Variants in TGM2 observed in about 807,000 individuals in gnomAD.
TGM2 encodes protein-glutamine gamma-glutamyltransferase 2.
TGM2 carries 53 observed loss-of-function variants against 75.6 expected under a neutral mutation model. The observed-to-expected ratio is 0.70, with a 90% CI of 0.56 to 0.88. The LOEUF is 0.88. TGM2 is among the 40% of genes least tolerant of loss of function. The pLI is 0.00. For missense variants in TGM2, 842 were observed against 928.5 expected, an observed-to-expected ratio of 0.91 and a Z score of 1.21; for synonymous variants, 374 against 381.1, an observed-to-expected ratio of 0.98 and a Z score of 0.22.
Position 38,139,474 on chromosome 20 carries a change from C to T in TGM2, c.1280G>A (p.Ser427Asn). The T allele has an allele frequency of 6.2e-7, 1 of 1,614,234 alleles. No individual in the cohort carries two copies. The highest frequency in any genetic ancestry group is 2.2e-5 in the East Asian group (1 of 44,892). ...CTCGTCTCGGCCCACGCTCTTAGTG[C>T]TGATCTTCAGCCCAACGATCAGGGA... Reference protein sequence around the residue: ...NRSLIVGLKISTKSVGRDERE... With the variant: ...NRSLIVGLKINTKSVGRDERE... The change falls in exon 9 of 13, where the codon AGC (serine) becomes AAC (asparagine). Residue 427 changes from serine (S) to asparagine (N), a missense_variant. By Grantham distance (46) the Ser-to-Asn change is conservative. Transcript: ENST00000361475.
intron 10 of TGM2, 142 bp downstream of exon 10, chr20:38,137,971 A>G: frequency 6.9e-7 from 1 of 1,445,528 alleles, no homozygotes; most frequent in Non-Finnish European, 9.1e-7. Flanking sequence ...ATATTTATAA[A>G]GTGCTTAGGA....
chr20:38,139,577 C>A lies in TGM2; in HGVS notation c.1177G>T (p.Val393Phe), dbSNP rs1351290061. The A allele has an allele frequency of 1.2e-6, 2 of 1,614,210 alleles. No homozygotes were observed. The highest frequency in any genetic ancestry group is 8.5e-7 in the Non-Finnish European group (1 of 1,180,048). ...DLSTKYDAPFVFAEVNADVVD... is the reference protein window; with the variant it reads ...DLSTKYDAPFFFAEVNADVVD... ...ACGTCGGCATTGACCTCCGCAAAGA[C>A]AAAGGGCGCATCGTACTTGGTGCTC... Residue 393 changes from valine (V) to phenylalanine (F), a missense_variant, in exon 9 of 13, where the codon GTC (valine) becomes TTC (phenylalanine). Physicochemically the swap from Val to Phe is conservative, Grantham distance 50 (BLOSUM62 -1). Transcript: ENST00000361475.
At chr20:38,159,788 C>T (rs554108612) in intron 2 of TGM2, among the ~76,000 whole-genome samples, 5 of 152,308 alleles carry the variant, frequency 3.3e-5, no homozygotes, top group Non-Finnish European at 7.4e-5. Context: ...TCAGCTTTCC[C>T]ATCTGCAAAA....
intron 5 of TGM2, among the ~76,000 whole-genome samples, chr20:38,147,270 C>T (rs974219160): frequency 3.3e-5 from 5 of 152,054 alleles, no homozygotes; most frequent in Admixed American, 6.5e-5. Context: ...CCCATTACCT[C>T]GAGAATAAAA....
At chr20:38,134,579 T>C (rs1465445141) in intron 10 of TGM2, among the ~76,000 whole-genome samples, 1 of 152,194 alleles carries the variant, frequency 6.6e-6, no homozygotes, top group African/African-American at 2.4e-5. Flanking sequence ...AGAGGAAACC[T>C]GTATGGTCAG....
Position 38,141,327 on chromosome 20 carries a change from C to G in TGM2, c.1054G>C (p.Glu352Gln), listed in dbSNP as rs750818931. Residue 352 changes from glutamate to glutamine, a missense_variant, in exon 8 of 13, where the codon GAG becomes CAG. Physicochemically the swap from Glu to Gln is conservative, Grantham distance 29. Coordinates refer to ENST00000361475, the MANE Select transcript of TGM2 (RefSeq NM_004613.4). ...GTTGGGTCCAGGGCCTGCCAGCCCT[C>G]GTACCCCGGCTGCAGGTCCGGCCTG... is the stretch of plus-strand genomic sequence containing the variant. ...MTRPDLQPGY[E>Q]GWQALDPTPQ... The G allele has an allele frequency of 8.2e-6, 13 of 1,590,938 alleles. No homozygotes were observed. The highest frequency in any genetic ancestry group is 1.0e-5 in the Non-Finnish European group (12 of 1,168,784).
chr20:38,152,463 A>G (rs1036600501), intron 3 of TGM2, among the ~76,000 whole-genome samples: 2 of 152,236 alleles, frequency 1.3e-5, no homozygotes, highest in Non-Finnish European at 2.9e-5. Context: ...TGGGATAAGA[A>G]TGAAAGAGAA....
At chr20:38,146,499 C>A (rs1236730229) in intron 6 of TGM2, 2 of 672,418 alleles carry the variant, frequency 3.0e-6, no homozygotes, top group Admixed American at 4.4e-5. Flanking sequence ...TGAGCCCATG[C>A]AGTCTCTCCA....
At chr20:38,131,789 C>T (rs750188692) in intron 11 of TGM2, among the ~76,000 whole-genome samples, 2 of 152,020 alleles carry the variant, frequency 1.3e-5, no homozygotes, top group Non-Finnish European at 2.9e-5. Context: ...ATGATGATGG[C>T]GATGATAAGG....
In TGM2 at chr20:38,127,386, G is replaced by A. The variant is rs1313323613; in HGVS notation, c.*2833C>T. ...CAGAAGGATTCGGCACCCAGAACAC[G>A]TGATGTCATGTTTTTATTTTGATTT... On this transcript the variant is annotated 3_prime_UTR_variant, in exon 13 of 13. Coordinates refer to ENST00000361475, the MANE Select transcript of TGM2 (RefSeq NM_004613.4). 5.1e-6 allele frequency: 5 copies of A among 985,058 alleles called. No individual in the cohort carries two copies. Among genetic ancestry groups the A allele is most frequent in the South Asian group, 4.7e-5 (1 of 21,278 alleles). The allele number at this position is 985,058 out of a possible 1,614,324, so 61.0% of individuals were successfully genotyped here. A position where few individuals can be genotyped will look rare whatever the true frequency, so the allele number is the denominator to read the frequency against.
chr20:38,141,304 T>G lies in TGM2; in HGVS notation c.1077A>C (p.Pro359=). Residue 359 remains proline (P), a synonymous_variant, in exon 8 of 13, where the codon CCA becomes CCC. Coordinates refer to ENST00000361475, the MANE Select transcript of TGM2 (RefSeq NM_004613.4). ...PGYEGWQALD[P]TPQEKSEGTY... Reference sequence around the variant, plus strand: ...CACCTTCGCTCTTCTCCTGGGGCGTTGGGTCCAGGGCCTGCCAGCCCTCGT... The same window carrying G: ...CACCTTCGCTCTTCTCCTGGGGCGTGGGGTCCAGGGCCTGCCAGCCCTCGT... 1 of 1,583,372 alleles carries G rather than the reference T, an allele frequency of 6.3e-7. No individual in the cohort carries two copies. The highest frequency in any genetic ancestry group is 8.6e-7 in the Non-Finnish European group (1 of 1,164,650).
At chr20:38,158,308 C>T (rs1445814927) in intron 2 of TGM2, among the ~76,000 whole-genome samples, 1 of 152,226 alleles carries the variant, frequency 6.6e-6, no homozygotes, top group Non-Finnish European at 1.5e-5. Context: ...GTCCCACGGT[C>T]CACCCGCTGC....
chr20:38,134,481 G>A (rs1376216370), intron 10 of TGM2, among the ~76,000 whole-genome samples: 2 of 152,258 alleles, frequency 1.3e-5, no homozygotes, highest in Non-Finnish European at 2.9e-5. Flanking sequence ...TCTAGGAGGT[G>A]GAGGCCAGGG....
At position 38,154,976 on chromosome 20, in the gene TGM2, C is replaced by A. The variant is rs1024230340; in HGVS notation, c.433+871G>T. 5.3e-5 allele frequency among the ~76,000 whole-genome samples: 8 copies of A among 152,346 alleles called. No homozygotes were observed. The South Asian group carries it at 1.7e-3, about 32-fold the overall frequency. On this transcript the variant is annotated intron_variant, in intron 3 of 12. Coordinates refer to ENST00000361475, the MANE Select transcript of TGM2 (RefSeq NM_004613.4). ...CAAAAATTAGCCAGGCGTGGTGGCA[C>A]ATGCCTGTAATCCCAGCTACTGGGG... is the stretch of plus-strand genomic sequence containing the variant.
intron 2 of TGM2, 35 bp from the exon 3 acceptor site, chr20:38,156,124 G>A (rs1209689093): frequency 1.2e-6 from 2 of 1,603,068 alleles, no homozygotes; most frequent in South Asian, 1.1e-5. Context: ...TGAGCTAGGG[G>A]TAGCAGGGCT....
At chr20:38,139,867 C>T (rs1204675342) in intron 8 of TGM2, among the ~76,000 whole-genome samples, 2 of 152,194 alleles carry the variant, frequency 1.3e-5, no homozygotes, top group Non-Finnish European at 2.9e-5. Context: ...CCAGCTCAGC[C>T]TGTTATTAGC....
Position 38,127,793 on chromosome 20 carries a change from C to T in TGM2, c.*2426G>A, listed in dbSNP as rs979149929. The T allele has an allele frequency of 1.3e-5, 2 of 152,136 alleles. No homozygotes were observed. The highest frequency in any genetic ancestry group is 2.4e-5 in the African/African-American group (1 of 41,420). The allele number at this position is 152,136 out of a possible 1,614,324, so 9.4% of individuals were successfully genotyped here. A position where few individuals can be genotyped will look rare whatever the true frequency, so the allele number is the denominator to read the frequency against. ...TTATTAAAGCTAATTCCACCTATGG[C>T]TTTTTTACTGTTTTCAATGTGGTCA... On this transcript the variant is annotated 3_prime_UTR_variant, in exon 13 of 13. Coordinates refer to ENST00000361475, the MANE Select transcript of TGM2 (RefSeq NM_004613.4).
chr20:38,157,538 A>G (rs1307592607), intron 2 of TGM2, among the ~76,000 whole-genome samples: 1 of 152,218 alleles, frequency 6.6e-6, no homozygotes, highest in Non-Finnish European at 1.5e-5. Flanking sequence ...GGAGAGTCCA[A>G]TCTCAGGTTC....
At chr20:38,149,145 A>G (rs369909337) in intron 4 of TGM2, among the ~76,000 whole-genome samples, 1 of 152,122 alleles carries the variant, frequency 6.6e-6, no homozygotes, top group Non-Finnish European at 1.5e-5. Context: ...CCAACCTCTG[A>G]GCTTTCACTT....
Sources: gnomAD v4.1 joint callset for allele counts (sites outside exome capture counted in the v4.1 genomes callset) on GRCh38, gnomAD v4.1.1 for gene constraint, MANE v1.5 for transcripts, NCBI Gene and HGNC (gene_info 2026-07-23, HGNC 2026-07-21) for gene names.